The following PRKCA variants were observed in gnomAD, a reference collection of about 807,000 sequenced individuals.
PRKCA encodes the protein protein kinase C alpha.
Under a neutral mutation model 87.0 loss-of-function variants are expected in PRKCA, and 27 were observed. The observed-to-expected ratio is 0.31, with a 90% CI of 0.23 to 0.43. PRKCA has a LOEUF of 0.43. PRKCA is among the 20% of genes least tolerant of loss of function. The pLI is 1.00. For synonymous variants in PRKCA, 329 were observed against 311.1 expected (o/e 1.06, Z -0.61); for missense variants, 518 against 852.3 (o/e 0.61, Z 4.88).
At chr17:66,629,547 A>G (rs1318975682) in intron 3 of PRKCA, among the ~76,000 whole-genome samples, 1 of 152,234 alleles carries the variant, frequency 6.6e-6, no homozygotes, top group East Asian at 1.9e-4. Context: ...GAATTCTTAT[A>G]GGAGACTTAC....
At chr17:66,427,110 C>G (rs1033410604) in intron 2 of PRKCA, among the ~76,000 whole-genome samples, 39 of 152,124 alleles carry the variant, frequency 2.6e-4, no homozygotes, top group African/African-American at 9.4e-4. Context: ...TGGCTCACTG[C>G]AACCTCCACC....
chr17:66,777,889 G>A (rs1033065747), intron 14 of PRKCA: 55 of 985,252 alleles, frequency 5.6e-5, no homozygotes, highest in East Asian at 2.3e-4. Flanking sequence ...CCCGCAGCCT[G>A]GCTTCTCCCC....
chr17:66,686,976 G>A, intron 5 of PRKCA, 135 bp from the exon 6 acceptor site: 4 of 763,856 alleles, frequency 5.2e-6, no homozygotes, highest in Non-Finnish European at 6.3e-6. Flanking sequence ...AGTGTTAGAG[G>A]CTTTTGGCTT....
At chr17:66,696,190 A>G (rs1972917553) in intron 8 of PRKCA, among the ~76,000 whole-genome samples, 1 of 152,194 alleles carries the variant, frequency 6.6e-6, no homozygotes, top group African/African-American at 2.4e-5. Context: ...GTGGTATTGC[A>G]TAGTGGTTAG....
chr17:66,440,336 G>A (rs893524542), intron 2 of PRKCA, among the ~76,000 whole-genome samples: 9 of 152,184 alleles, frequency 5.9e-5, no homozygotes, highest in Non-Finnish European at 1.2e-4. Context: ...GGTGCCTAAC[G>A]TATAGCCAAT....
intron 13 of PRKCA, among the ~76,000 whole-genome samples, chr17:66,768,263 G>GT (rs34586120): frequency 0.077 from 11,520 of 148,674 alleles, 648 homozygotes; most frequent in East Asian, 0.2. Context: ...TTTTTTTTTG[G>GT]GGGGGAGAGA....
At chr17:66,327,490 C>T (rs543721127) in intron 2 of PRKCA, among the ~76,000 whole-genome samples, 10 of 151,950 alleles carry the variant, frequency 6.6e-5, no homozygotes, top group South Asian at 2.1e-4. Flanking sequence ...GAGCCGAGAT[C>T]GCGCCCCTGT....
At chr17:66,586,120 T>A (rs911734267) in intron 3 of PRKCA, among the ~76,000 whole-genome samples, 1 of 152,258 alleles carries the variant, frequency 6.6e-6, no homozygotes, top group Admixed American at 6.5e-5. Flanking sequence ...ATATCTGTGG[T>A]TGTCATTGTC....
chr17:66,641,443 T>C lies in PRKCA; in HGVS notation c.377T>C (p.Ile126Thr), dbSNP rs1971294674. Reference sequence around the variant, plus strand: ...TGTGGGTCACTGCTCTATGGACTTATCCATCAAGGGATGAAATGTGACAGT... The same window carrying C: ...TGTGGGTCACTGCTCTATGGACTTACCCATCAAGGGATGAAATGTGACAGT... Reference protein sequence around the residue: ...DHCGSLLYGLIHQGMKCDTCD... With the variant: ...DHCGSLLYGLTHQGMKCDTCD... Residue 126 changes from isoleucine to threonine, a missense_variant, in exon 4 of 17, where the codon ATC becomes ACC. This residue lies in a region of PRKCA where 300 missense variants were observed against 496.8 expected (regional missense o/e 0.60). Transcript: ENST00000413366. 1.2e-6 allele frequency: 2 copies of C among 1,609,038 alleles called. No individual in the cohort carries two copies. The highest frequency in any genetic ancestry group is 1.3e-5 in the African/African-American group (1 of 74,840).
intron 5 of PRKCA, among the ~76,000 whole-genome samples, chr17:66,676,195 C>T (rs1972323945): frequency 6.6e-6 from 1 of 152,158 alleles, no homozygotes; most frequent in African/African-American, 2.4e-5. Flanking sequence ...GCAAACAAAC[C>T]CTGAGAACAG....
intron 3 of PRKCA, among the ~76,000 whole-genome samples, chr17:66,595,170 C>G (rs565007149): frequency 6.6e-6 from 1 of 152,224 alleles, no homozygotes; most frequent in East Asian, 1.9e-4. Context: ...TCTCCTTCTT[C>G]TTTTTTAAAA....
At position 66,803,371 on chromosome 17, in the gene PRKCA, G is replaced by A. The variant is rs1975945571; in HGVS notation, c.1855-502G>A. Among the ~76,000 whole-genome samples, 1 of 152,212 alleles carries A rather than the reference G, an allele frequency of 6.6e-6. No homozygotes were observed. Among genetic ancestry groups the A allele is most frequent in the Admixed American group, 6.5e-5 (1 of 15,276 alleles). The stretch of plus-strand genomic sequence containing the variant: ...TTTAGGGGCTGGGGTTGCTGGAGCA[G>A]CCCAGTAGGAAGGCAAGGATAACAC... On this transcript the variant is annotated intron_variant, in intron 16 of 16. Coordinates refer to ENST00000413366, the MANE Select transcript of PRKCA (RefSeq NM_002737.3). The surrounding 1 kb of genome is among the most constrained non-coding windows in gnomAD (Gnocchi z 4.4).
intron 16 of PRKCA, among the ~76,000 whole-genome samples, chr17:66,800,911 T>C (rs1975885474): frequency 6.6e-6 from 1 of 152,172 alleles, no homozygotes; most frequent in African/African-American, 2.4e-5. Flanking sequence ...GCATGGTTAG[T>C]GAGTATCAAG....
intron 5 of PRKCA, among the ~76,000 whole-genome samples, chr17:66,655,590 A>G (rs957632562): frequency 2.0e-5 from 3 of 152,140 alleles, no homozygotes; most frequent in African/African-American, 7.2e-5. Context: ...CTGTGTGTTT[A>G]TTTACATGTT....
At chr17:66,426,028 G>C (rs1912784885) in intron 2 of PRKCA, among the ~76,000 whole-genome samples, 1 of 152,118 alleles carries the variant, frequency 6.6e-6, no homozygotes, top group Non-Finnish European at 1.5e-5. Context: ...GAGCTGGCTA[G>C]GAGTCACACC....
At chr17:66,706,870 C>T (rs545114389) in intron 8 of PRKCA, among the ~76,000 whole-genome samples, 5 of 152,280 alleles carry the variant, frequency 3.3e-5, no homozygotes, top group Non-Finnish European at 4.4e-5. Flanking sequence ...AATGTATGCC[C>T]TCTGGTCCTT....
rs529714675 is a variant in PRKCA at position 66,406,585 on chromosome 17, G to GAT, written c.206-89616_206-89615insAT. On this transcript the variant is annotated intron_variant, in intron 2 of 16. Coordinates refer to ENST00000413366, the MANE Select transcript of PRKCA (RefSeq NM_002737.3). ...TCATGTAGCATTGTAGCTTTTCCAGGTTTTTTTTTTTTTTTTTTTTTTTTA... is the reference window on the plus strand; with the variant it reads ...TCATGTAGCATTGTAGCTTTTCCAGGATTTTTTTTTTTTTTTTTTTTTTTTTA... Among the ~76,000 whole-genome samples, 6 of 70,180 alleles carry GAT rather than the reference G, an allele frequency of 8.5e-5. 1 individual carries two copies. Among genetic ancestry groups the GAT allele is most frequent in the African/African-American group, 2.8e-4 (6 of 21,686 alleles). 46.0% of individuals were successfully genotyped at this position (70,180 alleles called of 152,430 possible).
chr17:66,426,948 A>G (rs1340814907), intron 2 of PRKCA, among the ~76,000 whole-genome samples: 3 of 152,072 alleles, frequency 2.0e-5, no homozygotes, highest in African/African-American at 7.2e-5. Flanking sequence ...CCTGCCTCAG[A>G]CCTTTTTGTA....
At chr17:66,325,040 A>G (rs1340102168) in intron 2 of PRKCA, among the ~76,000 whole-genome samples, 1 of 152,202 alleles carries the variant, frequency 6.6e-6, no homozygotes, top group South Asian at 2.1e-4. Flanking sequence ...TGTTTCTATA[A>G]CATATTTCCC....
Sources: allele counts gnomAD v4.1 joint callset (sites outside exome capture counted in the v4.1 genomes callset), GRCh38; gene constraint gnomAD v4.1.1; regional missense constraint gnomAD v4.1.1; non-coding constraint Gnocchi (gnomAD v3.1); transcripts MANE v1.5; gene names NCBI Gene and HGNC (gene_info 2026-07-23, HGNC 2026-07-21).